The following CELF2 variants were observed in gnomAD, a reference collection of about 807,000 sequenced individuals.
CELF2 encodes the protein CUG triplet repeat RNA-binding protein 2.
In CELF2, 8 loss-of-function variants were observed where a neutral mutation model predicts 62.6. The ratio of observed to expected loss-of-function variants is 0.13; its 90% CI spans 0.07 to 0.23. The LOEUF (loss-of-function observed/expected upper bound fraction) is 0.23, where lower values mean the gene tolerates loss of function less well. CELF2 is among the 10% of genes least tolerant of loss of function. The probability of loss-of-function intolerance (pLI) is 1.00; values close to 1 mark genes in which losing one functional copy is unlikely to be tolerated. For missense variants in CELF2, 333 were observed against 671.0 expected (o/e 0.50, Z 5.56); for synonymous variants, 258 against 250.0 (o/e 1.03, Z -0.30).
At chr10:10,763,393 C>A in the CELF2 span, among the ~76,000 whole-genome samples, 2 of 152,064 alleles carry the variant, frequency 1.3e-5, no homozygotes, top group African/African-American at 4.8e-5. Context: ...AAATTGAGAT[C>A]CCTACGTATG....
the CELF2 span, among the ~76,000 whole-genome samples, chr10:10,762,584 C>T: frequency 0.31 from 47,449 of 151,952 alleles, 8,064 homozygotes; most frequent in East Asian, 0.5. Flanking sequence ...GACAACATTC[C>T]GGAATCCACT....
At chr10:10,554,547 A>G in the CELF2 span, among the ~76,000 whole-genome samples, 1 of 152,180 alleles carries the variant, frequency 6.6e-6, no homozygotes, top group Non-Finnish European at 1.5e-5. Context: ...GTCAGTTTGC[A>G]GCAGCTCTGT....
At chr10:10,603,395 T>C in the CELF2 span, among the ~76,000 whole-genome samples, 1 of 152,018 alleles carries the variant, frequency 6.6e-6, no homozygotes, top group East Asian at 1.9e-4. Flanking sequence ...CATTCCCCAT[T>C]CAAGCCACAG....
At chr10:10,969,535 A>G (rs2050526815) in intron 2 of CELF2, among the ~76,000 whole-genome samples, 1 of 152,206 alleles carries the variant, frequency 6.6e-6, no homozygotes, top group Non-Finnish European at 1.5e-5. Flanking sequence ...CTACACATAC[A>G]AAGATACACA....
chr10:10,793,597 C>T (rs769157254), upstream of CELF2, among the ~76,000 whole-genome samples: 111 of 152,302 alleles, frequency 7.3e-4, 2 homozygotes, highest in Middle Eastern at 0.027. Context: ...ATTACCAACA[C>T]TTAAAAATGC....
chr10:10,533,538 A>T, the CELF2 span, among the ~76,000 whole-genome samples: 1 of 152,232 alleles, frequency 6.6e-6, no homozygotes, highest in Admixed American at 6.5e-5. Flanking sequence ...GAATCTCTTT[A>T]CCTCAGAGTA....
At chr10:10,965,961 C>G (rs576232587) in intron 2 of CELF2, among the ~76,000 whole-genome samples, 1 of 152,320 alleles carries the variant, frequency 6.6e-6, no homozygotes, top group African/African-American at 2.4e-5. Context: ...ATGACTGTGA[C>G]AAGCAATGGT....
chr10:10,496,195 T>C, the CELF2 span, among the ~76,000 whole-genome samples: 1 of 152,238 alleles, frequency 6.6e-6, no homozygotes, highest in Non-Finnish European at 1.5e-5. Flanking sequence ...AACTCAGATC[T>C]GTACAATCCT....
the CELF2 span, among the ~76,000 whole-genome samples, chr10:10,521,001 C>T: frequency 6.6e-6 from 1 of 152,104 alleles, no homozygotes; most frequent in Admixed American, 6.5e-5. Context: ...ACCAAACTAG[C>T]TTATGAAATG....
intron 2 of CELF2, among the ~76,000 whole-genome samples, chr10:11,197,282 G>C (rs1034246862): frequency 6.6e-6 from 1 of 152,110 alleles, no homozygotes; most frequent in Admixed American, 6.5e-5. Flanking sequence ...CTCTGTCCGT[G>C]ATACCAGGGA....
In CELF2 at chr10:11,156,486, C is replaced by G. The variant is rs1327466322; in HGVS notation, c.75-9000C>G. ...ACCCTGCAACGCCCTCCCCTGCATG[C>G]TTTATTTGTCTCTGTCAAAACGGTC... On this transcript the variant is annotated intron_variant, in intron 1 of 12. Coordinates refer to ENST00000633077, the MANE Select transcript of CELF2 (RefSeq NM_001326342.2). This position sits in a 1 kb window ranked among gnomAD's most constrained non-coding sequence, Gnocchi z 4.3. Among the ~76,000 whole-genome samples, 1 of 152,146 alleles carries G rather than the reference C, an allele frequency of 6.6e-6. No individual in the cohort carries two copies. The highest frequency in any genetic ancestry group is 6.5e-5 in the Admixed American group (1 of 15,280).
In CELF2 at chr10:11,211,809, AGAGAGTGTGTGTGTGTGTGTGTGTGT is replaced by A. The variant is rs1352305859; in HGVS notation, c.272-5614_272-5589del. Among the ~76,000 whole-genome samples the A allele has an allele frequency of 4.6e-5, 6 of 129,856 alleles. No individual in the cohort carries two copies. The highest frequency in any genetic ancestry group is 6.5e-5 in the Non-Finnish European group (4 of 61,216). The allele number at this position is 129,856 out of a possible 152,430, so 85.2% of individuals were successfully genotyped here. ...ATGTGTGTGAGAGAGAGAGAGAGAG[AGAGAGTGTGTGTGTGTGTGTGTGTGT>A]GTGTGTGTGTGTGTGTGTGTAACTA... On this transcript the variant is annotated intron_variant, in intron 2 of 12. Transcript: ENST00000633077. The surrounding 1 kb of genome is among the most constrained non-coding windows in gnomAD (Gnocchi z 4.8).
chr10:10,629,360 T>C, the CELF2 span, among the ~76,000 whole-genome samples: 4 of 152,278 alleles, frequency 2.6e-5, no homozygotes, highest in East Asian at 7.7e-4. Context: ...TTTTTTCCCA[T>C]AGTTTGGAAG....
At chr10:11,015,189 G>T (rs1403110975), upstream of CELF2, among the ~76,000 whole-genome samples, 1 of 152,196 alleles carries the variant, frequency 6.6e-6, no homozygotes, top group Non-Finnish European at 1.5e-5. The surrounding 1 kb of genome is among the most constrained non-coding windows in gnomAD (Gnocchi z 4.8). Context: ...AAGGGGCCCT[G>T]TTGAGTTGTT....
At chr10:11,136,622 T>C (rs892208985) in intron 1 of CELF2, among the ~76,000 whole-genome samples, 5 of 151,936 alleles carry the variant, frequency 3.3e-5, no homozygotes, top group African/African-American at 1.2e-4. Flanking sequence ...AATAAATTAA[T>C]AGATAAATAA....
chr10:10,754,199 C>T, the CELF2 span, among the ~76,000 whole-genome samples: 1 of 150,460 alleles, frequency 6.6e-6, no homozygotes, highest in African/African-American at 2.4e-5. Context: ...GGCTGGAATG[C>T]AGTGGCACAA....
chr10:10,893,236 G>A (rs1270900170), intron 1 of CELF2, among the ~76,000 whole-genome samples: 1 of 152,208 alleles, frequency 6.6e-6, no homozygotes, highest in Non-Finnish European at 1.5e-5. Context: ...GGATTACTCA[G>A]TCAAGGCCAC....
At chr10:10,844,249 C>T (rs1026249946) in intron 1 of CELF2, among the ~76,000 whole-genome samples, 9 of 152,058 alleles carry the variant, frequency 5.9e-5, no homozygotes, top group Admixed American at 1.3e-4. Context: ...TCTGGTTTTT[C>T]CTGAAATCAT....
chr10:10,920,951 G>A (rs1340201604), intron 2 of CELF2, among the ~76,000 whole-genome samples: 1 of 152,048 alleles, frequency 6.6e-6, no homozygotes, highest in Non-Finnish European at 1.5e-5. Context: ...TTTTGTTGTT[G>A]TTGTTGTTGT....
Sources: gnomAD v4.1 joint callset for allele counts (sites outside exome capture counted in the v4.1 genomes callset) on GRCh38, gnomAD v4.1.1 for gene constraint, Gnocchi (gnomAD v3.1) non-coding constraint, MANE v1.5 for transcripts, NCBI Gene and HGNC (gene_info 2026-07-23, HGNC 2026-07-21) for gene names.